DNAJC1: variants seen among roughly 807,000 people sequenced by gnomAD.
The protein encoded by DNAJC1 is dnaJ homolog subfamily C member 1.
Under a neutral mutation model 76.6 loss-of-function variants are expected in DNAJC1, and 58 were observed. That is an observed-to-expected ratio of 0.76 (90% CI 0.61 to 0.94). DNAJC1 has a LOEUF of 0.94. DNAJC1 is among the 40% of genes least tolerant of loss of function. DNAJC1 has a pLI of 0.00. For missense variants in DNAJC1, 689 were observed against 677.3 expected, an observed-to-expected ratio of 1.02 and a Z score of -0.19; for synonymous variants, 258 against 267.9, an observed-to-expected ratio of 0.96 and a Z score of 0.36.
rs145952548 is a variant in DNAJC1 at position 21,938,476 on chromosome 10, T to G, written c.223-9335A>C. The stretch of plus-strand genomic sequence containing the variant: ...ACTCAAGCGAAATTTTTTATTTTAT[T>G]TTTTACCAAGGATTGGCAAACTGTT... On this transcript the variant is annotated intron_variant, in intron 1 of 11. Transcript: ENST00000376980. 4.4e-3 allele frequency among the ~76,000 whole-genome samples: 674 copies of G among 152,286 alleles called. 6 individuals carry two copies. Among genetic ancestry groups the G allele is most frequent in the African/African-American group, 0.015 (635 of 41,556 alleles).
intron 8 of DNAJC1, among the ~76,000 whole-genome samples, chr10:21,853,034 T>TTC (rs1564808375): frequency 6.6e-6 from 1 of 152,160 alleles, no homozygotes; most frequent in African/African-American, 2.4e-5. Flanking sequence ...TGCTGCTACT[T>TTC]TCACCTTTAC....
chr10:21,808,324 A>AAAAAC, intron 8 of DNAJC1, among the ~76,000 whole-genome samples: 1 of 152,310 alleles, frequency 6.6e-6, no homozygotes, highest in East Asian at 1.9e-4. Flanking sequence ...CATTGACATT[A>AAAAAC]AAAACAAATC....
chr10:21,975,797 GT>G (rs1400802586), intron 1 of DNAJC1, among the ~76,000 whole-genome samples: 1 of 152,166 alleles, frequency 6.6e-6, no homozygotes, highest in East Asian at 1.9e-4. Flanking sequence ...CTCTCATCTG[GT>G]TTTAATTAAG....
chr10:21,977,888 A>T (rs756185854), intron 1 of DNAJC1, among the ~76,000 whole-genome samples: 19 of 152,162 alleles, frequency 1.2e-4, no homozygotes, highest in Admixed American at 8.5e-4. Flanking sequence ...GAAAAATAAT[A>T]AGTAAATTTC....
chr10:21,783,774 C>G (rs1335152209), intron 9 of DNAJC1, among the ~76,000 whole-genome samples: 1 of 152,142 alleles, frequency 6.6e-6, no homozygotes, highest in Non-Finnish European at 1.5e-5. Flanking sequence ...TGATCTTTGA[C>G]AAACCTGACA....
chr10:21,763,479 G>A lies in DNAJC1; in HGVS notation c.1147+2782C>T, dbSNP rs545889282. Among the ~76,000 whole-genome samples the A allele has an allele frequency of 3.3e-4, 50 of 151,642 alleles. No homozygotes were observed. In the South Asian group the frequency reaches 0.01, roughly 30 times the overall value. On this transcript the variant is annotated intron_variant, in intron 10 of 11. Transcript: ENST00000376980. The stretch of plus-strand genomic sequence containing the variant: ...CACACTCCAATTCATTATTCCCTCT[G>A]TGGAAGGGGGCCAGGAACCCAGACT...
chr10:21,909,113 C>A (rs1263284239), intron 6 of DNAJC1, among the ~76,000 whole-genome samples: 1 of 152,216 alleles, frequency 6.6e-6, no homozygotes, highest in Admixed American at 6.5e-5. Context: ...GTCTTGAACT[C>A]CTGGCCTCAG....
chr10:21,896,178 A>G (rs756618330), intron 7 of DNAJC1, among the ~76,000 whole-genome samples: 2 of 152,210 alleles, frequency 1.3e-5, no homozygotes, highest in East Asian at 3.9e-4. Flanking sequence ...GGCCACCACT[A>G]AGACCTCAGA....
At chr10:21,806,241 T>C in intron 8 of DNAJC1, 142 bp from the exon 9 acceptor site, 1 of 902,386 alleles carries the variant, frequency 1.1e-6, no homozygotes, top group Non-Finnish European at 1.6e-6. Flanking sequence ...CAATACTAAA[T>C]TGTATCTAAT....
intron 8 of DNAJC1, among the ~76,000 whole-genome samples, chr10:21,812,630 C>T (rs1438092697): frequency 2.0e-5 from 3 of 151,964 alleles, no homozygotes; most frequent in African/African-American, 7.3e-5. Flanking sequence ...CACAGTGGCA[C>T]AATAAGGCTC....
intron 9 of DNAJC1, among the ~76,000 whole-genome samples, chr10:21,799,932 C>T (rs1353660898): frequency 1.3e-5 from 2 of 152,130 alleles, no homozygotes; most frequent in Non-Finnish European, 2.9e-5. Flanking sequence ...TGCTGAGGGA[C>T]CTGTGTCATT....
intron 6 of DNAJC1, among the ~76,000 whole-genome samples, chr10:21,908,616 G>T (rs1053369206): frequency 6.6e-6 from 1 of 151,628 alleles, no homozygotes; most frequent in Admixed American, 6.6e-5. Flanking sequence ...GATTTCCTGG[G>T]GATATAAACT....
chr10:21,812,690 C>T (rs773625410), intron 8 of DNAJC1, among the ~76,000 whole-genome samples: 17 of 151,960 alleles, frequency 1.1e-4, no homozygotes, highest in Non-Finnish European at 1.9e-4. Context: ...CCTTGGCCTC[C>T]GCAGACATGA....
chr10:21,933,965 T>A (rs1464728228), intron 1 of DNAJC1, among the ~76,000 whole-genome samples: 1 of 152,156 alleles, frequency 6.6e-6, no homozygotes, highest in Non-Finnish European at 1.5e-5. Context: ...ATGTATTTAC[T>A]ATACTATTAT....
At chr10:21,849,265 G>A (rs1835709993) in intron 8 of DNAJC1, among the ~76,000 whole-genome samples, 1 of 133,918 alleles carries the variant, frequency 7.5e-6, no homozygotes, top group African/African-American at 2.8e-5. Flanking sequence ...TGCACTCCAG[G>A]CTGGGTGACA....
intron 7 of DNAJC1, among the ~76,000 whole-genome samples, chr10:21,903,986 AC>A (rs1306793888): frequency 6.6e-6 from 1 of 152,254 alleles, no homozygotes; most frequent in East Asian, 1.9e-4. Flanking sequence ...ATACCTTTTT[AC>A]ATAATATGTT....
intron 9 of DNAJC1, among the ~76,000 whole-genome samples, chr10:21,766,968 T>TAAAA (rs1275709137): frequency 2.9e-5 from 2 of 69,868 alleles, no homozygotes; most frequent in East Asian, 4.3e-4. Context: ...AGACCCTGCC[T>TAAAA]AAAAAAAAAA....
chr10:21,808,894 C>T (rs1399942917), intron 8 of DNAJC1, among the ~76,000 whole-genome samples: 1 of 152,100 alleles, frequency 6.6e-6, no homozygotes, highest in African/African-American at 2.4e-5. Context: ...TACAAGCACT[C>T]CAATTTTGCA....
At chr10:21,835,783 A>C (rs1031964215) in intron 8 of DNAJC1, among the ~76,000 whole-genome samples, 1 of 152,242 alleles carries the variant, frequency 6.6e-6, no homozygotes, top group Admixed American at 6.5e-5. Flanking sequence ...ATAAAAAAGA[A>C]TGAAAAGAAA....
Sources: gnomAD v4.1 joint callset for allele counts (sites outside exome capture counted in the v4.1 genomes callset) on GRCh38, gnomAD v4.1.1 for gene constraint, MANE v1.5 for transcripts, NCBI Gene and HGNC (gene_info 2026-07-23, HGNC 2026-07-21) for gene names.